Variants in FMN1 observed in about 807,000 individuals in gnomAD.
FMN1 encodes the protein formin-1.
FMN1 carries 110 observed loss-of-function variants against 132.4 expected under a neutral mutation model. That is an observed-to-expected ratio of 0.83 (90% CI 0.71 to 0.97). The LOEUF is 0.97. Ranked by LOEUF, FMN1 falls within the 50% of genes least tolerant of loss-of-function variation. The pLI is 0.00. For missense variants in FMN1, 1,792 were observed against 1,705.3 expected (o/e 1.05, Z -0.90); for synonymous variants, 722 against 651.7 (o/e 1.11, Z -1.64).
chr15:33,132,197 GGCTGTAATAT>G (rs1963578433), intron 4 of FMN1, among the ~76,000 whole-genome samples: 1 of 151,920 alleles, frequency 6.6e-6, no homozygotes, highest in Admixed American at 6.6e-5. Context: ...CTTCTTTCCT[GGCTGTAATAT>G]GCTTGTCTCA....
chr15:32,767,337 G>A lies in FMN1; in HGVS notation c.*6973C>T, dbSNP rs908135702. The A allele has an allele frequency of 6.6e-6, 1 of 152,144 alleles. No individual in the cohort carries two copies. Among genetic ancestry groups the A allele is most frequent in the Non-Finnish European group, 1.5e-5 (1 of 68,046 alleles). 9.4% of individuals were successfully genotyped at this position (152,144 alleles called of 1,614,324 possible). On this transcript the variant is annotated 3_prime_UTR_variant, in exon 21 of 21. Coordinates refer to ENST00000616417, the MANE Select transcript of FMN1 (RefSeq NM_001277313.2). ...CATCCAGGGTCCAGGGTGTCACTAAGAAAACTAAACCCTGAAGTACTTGAA... is the reference window on the plus strand; with the variant it reads ...CATCCAGGGTCCAGGGTGTCACTAAAAAAACTAAACCCTGAAGTACTTGAA...
In FMN1 at chr15:32,999,237, T is replaced by C. The variant is rs75568448; in HGVS notation, c.2223+8777A>G. ...ATTCCCTTTCCCTCACAGTATTATC[T>C]GGGAATTAAGAGATTTAAATGTATT... On this transcript the variant is annotated intron_variant, in intron 7 of 20. Transcript: ENST00000616417. Among the ~76,000 whole-genome samples, 85 of 152,326 alleles carry C rather than the reference T, an allele frequency of 5.6e-4. No individual in the cohort carries two copies. The East Asian group carries it at 7.9e-3, about 14-fold the overall frequency.
chr15:32,915,882 G>A (rs1462870599), intron 10 of FMN1, among the ~76,000 whole-genome samples: 5 of 152,208 alleles, frequency 3.3e-5, no homozygotes, highest in South Asian at 2.1e-4. Context: ...ATGTCAAAAG[G>A]AAGTAGACAC....
Position 33,154,558 on chromosome 15 carries a change from C to T in FMN1, c.357G>A (p.Leu119=). The T allele has an allele frequency of 6.5e-7, 1 of 1,536,134 alleles. No homozygotes were observed. The highest frequency in any genetic ancestry group is 8.7e-7 in the Non-Finnish European group (1 of 1,146,918). The change falls in exon 4 of 21, where the codon CTG becomes CTA. Residue 119 remains leucine (L), a synonymous_variant. Transcript: ENST00000616417. The part of the protein sequence containing the change: ...GITMGNQEGK[L]QELSVSLAPE... ...GGGCCAGGCTCACGGACAGCTCTTG[C>T]AGCTTCCCCTCCTGGTTCCCCATCG... is the stretch of plus-strand genomic sequence containing the variant.
At chr15:33,046,064 TTTA>T (rs937173286) in intron 6 of FMN1, among the ~76,000 whole-genome samples, 31 of 152,248 alleles carry the variant, frequency 2.0e-4, no homozygotes, top group Admixed American at 1.0e-3. Context: ...AAGATTTTAA[TTTA>T]TTATTACTGT....
At chr15:33,114,525 CCAATCATTT>C (rs1187636296) in intron 4 of FMN1, among the ~76,000 whole-genome samples, 1 of 152,222 alleles carries the variant, frequency 6.6e-6, no homozygotes, top group Non-Finnish European at 1.5e-5. Context: ...CATTGTCGAT[CCAATCATTT>C]GAATCATCCA....
At chr15:33,139,367 C>CG (rs1398780935) in intron 4 of FMN1, among the ~76,000 whole-genome samples, 1 of 152,146 alleles carries the variant, frequency 6.6e-6, no homozygotes, top group Non-Finnish European at 1.5e-5. Flanking sequence ...GAGGCCGAGG[C>CG]GGGCGGATCA....
intron 17 of FMN1, among the ~76,000 whole-genome samples, chr15:32,835,717 GACAA>G (rs2058607011): frequency 1.3e-5 from 2 of 152,194 alleles, no homozygotes; most frequent in African/African-American, 4.8e-5. Context: ...TTGGGACACA[GACAA>G]GGAAGATTCC....
intron 9 of FMN1, among the ~76,000 whole-genome samples, chr15:32,953,480 G>GT (rs2061696579): frequency 6.6e-6 from 1 of 152,150 alleles, no homozygotes; most frequent in Non-Finnish European, 1.5e-5. Context: ...GGTGAGCTTT[G>GT]TAAGGTCCGT....
chr15:33,009,226 G>A (rs1164829384), intron 6 of FMN1, among the ~76,000 whole-genome samples: 5 of 152,102 alleles, frequency 3.3e-5, no homozygotes, highest in African/African-American at 4.8e-5. Flanking sequence ...CCAGCACCAC[G>A]ATAATCCAAG....
intron 17 of FMN1, among the ~76,000 whole-genome samples, chr15:32,832,678 T>A (rs1349732852): frequency 6.6e-6 from 1 of 152,104 alleles, no homozygotes; most frequent in African/African-American, 2.4e-5. Flanking sequence ...CTTGGGAGAC[T>A]GAGGCAGGGG....
intron 9 of FMN1, among the ~76,000 whole-genome samples, chr15:32,950,438 T>C (rs750589818): frequency 4.6e-5 from 7 of 151,978 alleles, no homozygotes; most frequent in Non-Finnish European, 8.8e-5. Flanking sequence ...AATCAACCTA[T>C]AGATGCCCAT....
At chr15:32,913,782 TA>T (rs1381835142) in intron 10 of FMN1, among the ~76,000 whole-genome samples, 1 of 152,224 alleles carries the variant, frequency 6.6e-6, no homozygotes, top group Non-Finnish European at 1.5e-5. Context: ...AGCATCTTGA[TA>T]ACTGTCTCCC....
rs532191128 is a variant in FMN1, at chr15:32,799,680, A to G, written c.3981-727T>C. Among the ~76,000 whole-genome samples, 4 of 152,304 alleles carry G rather than the reference A, an allele frequency of 2.6e-5. No homozygotes were observed. In the South Asian group the frequency reaches 8.3e-4, roughly 32 times the overall value. ...TCAGTAAAGAATCCCAATTTTCCAG[A>G]GTGGATTCCCAGATATCAGTAAGAC... is the stretch of plus-strand genomic sequence containing the variant. On this transcript the variant is annotated intron_variant, in intron 18 of 20. Coordinates refer to ENST00000616417, the MANE Select transcript of FMN1 (RefSeq NM_001277313.2).
At chr15:33,163,837 C>A (rs752873490) in intron 3 of FMN1, among the ~76,000 whole-genome samples, 2 of 147,248 alleles carry the variant, frequency 1.4e-5, no homozygotes, top group Admixed American at 1.3e-4. Context: ...AGGCTGGTCT[C>A]GAACTCCTGA....
chr15:32,922,225 T>C (rs751179993), intron 10 of FMN1, among the ~76,000 whole-genome samples: 13 of 152,184 alleles, frequency 8.5e-5, no homozygotes, highest in Non-Finnish European at 1.6e-4. Context: ...TACAGTTTTA[T>C]GGAAGGAAAG....
At chr15:33,012,785 G>C in intron 6 of FMN1, 2 of 702,392 alleles carry the variant, frequency 2.8e-6, no homozygotes, top group South Asian at 2.8e-5. Flanking sequence ...AACTTCAGTG[G>C]TCATGGTGGC....
chr15:32,911,644 C>T (rs1473205205), intron 10 of FMN1, among the ~76,000 whole-genome samples: 2 of 152,022 alleles, frequency 1.3e-5, no homozygotes, highest in African/African-American at 4.8e-5. Context: ...ATCATGGAAC[C>T]TCACAGAACA....
At chr15:32,919,462 C>T (rs1459942217) in intron 10 of FMN1, among the ~76,000 whole-genome samples, 2 of 152,146 alleles carry the variant, frequency 1.3e-5, no homozygotes, top group Admixed American at 1.3e-4. Flanking sequence ...AATAATGAGA[C>T]TCATTGTAAT....
Sources: allele counts gnomAD v4.1 joint callset (sites outside exome capture counted in the v4.1 genomes callset), GRCh38; gene constraint gnomAD v4.1.1; transcripts MANE v1.5; gene names NCBI Gene and HGNC (gene_info 2026-07-23, HGNC 2026-07-21).